ATG10: variants seen among roughly 807,000 people sequenced by gnomAD.
ATG10 encodes autophagy related 10.
In ATG10, 30 loss-of-function variants were observed where a neutral mutation model predicts 32.1. The observed-to-expected ratio is 0.94, with a 90% CI of 0.70 to 1.27. The LOEUF is 1.27. Among genes scored for constraint, ATG10 ranks in the 50% most tolerant of loss-of-function variants. ATG10 has a pLI of 0.00. For synonymous variants in ATG10, 87 were observed against 91.5 expected, an observed-to-expected ratio of 0.95 and a Z score of 0.28; for missense variants, 233 against 262.3, an observed-to-expected ratio of 0.89 and a Z score of 0.77.
intron 2 of ATG10, among the ~76,000 whole-genome samples, chr5:82,023,405 A>C (rs1195759173): frequency 6.6e-6 from 1 of 152,198 alleles, no homozygotes; most frequent in Admixed American, 6.5e-5. Context: ...ATTGTCTTTA[A>C]CAGATGCTGT....
intron 2 of ATG10, among the ~76,000 whole-genome samples, chr5:82,045,734 G>C (rs545701807): frequency 6.6e-6 from 1 of 152,038 alleles, no homozygotes; most frequent in Non-Finnish European, 1.5e-5. Context: ...AGAAACTTTT[G>C]TTACATTAAT....
At chr5:82,025,028 C>G (rs990530635) in intron 2 of ATG10, among the ~76,000 whole-genome samples, 2 of 152,128 alleles carry the variant, frequency 1.3e-5, no homozygotes, top group African/African-American at 4.8e-5. Context: ...TAGTCAGGAA[C>G]TTTGGACTGC....
intron 2 of ATG10, among the ~76,000 whole-genome samples, chr5:82,003,083 T>C (rs1287743857): frequency 2.0e-5 from 3 of 152,208 alleles, no homozygotes. Context: ...TTAATAGTAC[T>C]CTCAATATCT....
At chr5:82,010,458 C>G (rs577329395) in intron 2 of ATG10, among the ~76,000 whole-genome samples, 1 of 152,230 alleles carries the variant, frequency 6.6e-6, no homozygotes, top group East Asian at 1.9e-4. Context: ...TAGGTGTTCA[C>G]TTTTTAAAGT....
rs564807437 is a variant in ATG10, at chr5:82,011,559, T to C, written c.108+23881T>C. On this transcript the variant is annotated intron_variant, in intron 2 of 7. Coordinates refer to ENST00000282185, the MANE Select transcript of ATG10 (RefSeq NM_031482.5). ...TCCTTAGCTAAGCACGCAAAACTCT[T>C]GCTTAAAAAAGATTATTCTTTTGAG... Among the ~76,000 whole-genome samples, 20 of 152,336 alleles carry C rather than the reference T, an allele frequency of 1.3e-4. No individual in the cohort carries two copies. In the South Asian group the frequency reaches 4.1e-3, roughly 32 times the overall value.
At chr5:82,058,188 ATTTC>A (rs1561277401) in intron 2 of ATG10, among the ~76,000 whole-genome samples, 1 of 152,136 alleles carries the variant, frequency 6.6e-6, no homozygotes, top group East Asian at 1.9e-4. Context: ...GTGACAAGCT[ATTTC>A]TATAAGCTTA....
rs1181436048 is a variant in ATG10 at position 82,016,214 on chromosome 5, C to A, written c.108+28536C>A. On this transcript the variant is annotated intron_variant, in intron 2 of 7. Coordinates refer to ENST00000282185, the MANE Select transcript of ATG10 (RefSeq NM_031482.5). ...TCTGGAATTTTTTATGGTTTCAGGT[C>A]TTGAATTTAAGTCTTTGATCCATCT... Among the ~76,000 whole-genome samples the A allele has an allele frequency of 3.3e-5, 5 of 152,086 alleles. No homozygotes were observed. The East Asian group carries it at 9.6e-4, about 29-fold the overall frequency.
chr5:82,076,487 T>C (rs2149774704), intron 3 of ATG10, among the ~76,000 whole-genome samples: 1 of 152,340 alleles, frequency 6.6e-6, no homozygotes, highest in South Asian at 2.1e-4. Flanking sequence ...ACAGAAATCC[T>C]CCTTGGTAAC....
chr5:82,038,231 G>T (rs1213533858), intron 2 of ATG10, among the ~76,000 whole-genome samples: 1 of 152,190 alleles, frequency 6.6e-6, no homozygotes, highest in Non-Finnish European at 1.5e-5. Context: ...GTCCCTACTG[G>T]TGCCTGGTTC....
intron 2 of ATG10, among the ~76,000 whole-genome samples, chr5:82,019,150 T>C (rs943856470): frequency 6.6e-6 from 1 of 152,164 alleles, no homozygotes; most frequent in Non-Finnish European, 1.5e-5. Context: ...TTTGAAAAAT[T>C]TTGAGAAATT....
intron 3 of ATG10, among the ~76,000 whole-genome samples, chr5:82,137,635 T>C (rs1766819065): frequency 1.3e-5 from 2 of 152,210 alleles, no homozygotes; most frequent in Non-Finnish European, 1.5e-5. Flanking sequence ...AGCTCTCCTG[T>C]ATGAGGTATC....
At chr5:82,079,757 G>C (rs1399622609) in intron 3 of ATG10, among the ~76,000 whole-genome samples, 2 of 152,060 alleles carry the variant, frequency 1.3e-5, no homozygotes, top group Non-Finnish European at 2.9e-5. Context: ...TCTTAATCCA[G>C]TCTATCACTG....
intron 2 of ATG10, among the ~76,000 whole-genome samples, chr5:82,033,666 C>A (rs927624000): frequency 1.6e-4 from 25 of 151,758 alleles, no homozygotes; most frequent in Non-Finnish European, 3.2e-4. Flanking sequence ...TTTTGAACTT[C>A]TCTTCTCCAA....
At chr5:81,986,380 A>G (rs1357700935) in intron 1 of ATG10, among the ~76,000 whole-genome samples, 1 of 152,222 alleles carries the variant, frequency 6.6e-6, no homozygotes, top group Admixed American at 6.5e-5. Flanking sequence ...AGGTTGGATA[A>G]GAGAGTTTCT....
Position 81,993,360 on chromosome 5 carries a change from C to CTTCTTTCTTTTCTTTTCTTTTCTTTTCTT in ATG10, c.108+5688_108+5689insCTTTTCTTTTCTTTTCTTTTCTTTTCTTT, listed in dbSNP as rs1389776064. On this transcript the variant is annotated intron_variant, in intron 2 of 7. Transcript: ENST00000282185. ...CCTTCTTTCTTTCTTTCTTTCTTTC[C>CTTCTTTCTTTTCTTTTCTTTTCTTTTCTT]TTCTTTTCTTTTCTTTTCTTTTCTT... Among the ~76,000 whole-genome samples, 40 of 46,786 alleles carry CTTCTTTCTTTTCTTTTCTTTTCTTTTCTT rather than the reference C, an allele frequency of 8.5e-4. 4 individuals are homozygous for CTTCTTTCTTTTCTTTTCTTTTCTTTTCTT. Among genetic ancestry groups the CTTCTTTCTTTTCTTTTCTTTTCTTTTCTT allele is most frequent in the African/African-American group, 2.7e-3 (30 of 11,004 alleles). The allele number at this position is 46,786 out of a possible 152,430, so 30.7% of individuals were successfully genotyped here.
At chr5:82,141,030 C>G (rs1463893590) in intron 3 of ATG10, among the ~76,000 whole-genome samples, 1 of 116,182 alleles carries the variant, frequency 8.6e-6, no homozygotes, top group East Asian at 2.4e-4. Context: ...AGGCAGCATG[C>G]TCGTTAAGAG....
At chr5:82,083,310 C>T (rs1561289805) in intron 3 of ATG10, among the ~76,000 whole-genome samples, 2 of 152,132 alleles carry the variant, frequency 1.3e-5, no homozygotes, top group African/African-American at 2.4e-5. Flanking sequence ...CTGAGGCTTG[C>T]GTAGGTAAAC....
At chr5:81,987,300 G>A (rs1380784748) in intron 1 of ATG10, among the ~76,000 whole-genome samples, 1 of 152,014 alleles carries the variant, frequency 6.6e-6, no homozygotes, top group Non-Finnish European at 1.5e-5. Context: ...CTGTATTTTA[G>A]TTTGTATATA....
At chr5:82,040,307 T>A (rs1440938065) in intron 2 of ATG10, among the ~76,000 whole-genome samples, 1 of 152,220 alleles carries the variant, frequency 6.6e-6, no homozygotes, top group Non-Finnish European at 1.5e-5. Flanking sequence ...ATACAGCTTT[T>A]GATACATCAA....
Sources: gnomAD v4.1 joint callset for allele counts (sites outside exome capture counted in the v4.1 genomes callset) on GRCh38, gnomAD v4.1.1 for gene constraint, MANE v1.5 for transcripts, NCBI Gene and HGNC (gene_info 2026-07-23, HGNC 2026-07-21) for gene names.